The following FBXW7 variants were observed in gnomAD, a reference collection of about 807,000 sequenced individuals.
FBXW7 encodes the protein F-box/WD repeat-containing protein 7.
A neutral mutation model predicts 86.3 loss-of-function variants in FBXW7; 11 were observed. The observed-to-expected ratio is 0.13, with a 90% CI of 0.08 to 0.21. The LOEUF is 0.21. FBXW7 is among the 10% of genes least tolerant of loss of function. The pLI is 1.00. For missense variants in FBXW7, 488 were observed against 847.4 expected (o/e 0.58, Z 5.27); for synonymous variants, 313 against 297.9 (o/e 1.05, Z -0.52).
At chr4:152,469,550 G>C (rs1743764603) in intron 2 of FBXW7, among the ~76,000 whole-genome samples, 2 of 152,074 alleles carry the variant, frequency 1.3e-5, no homozygotes, top group South Asian at 4.1e-4. Flanking sequence ...CAGCAAACAG[G>C]ACCTAAATAC....
intron 2 of FBXW7, among the ~76,000 whole-genome samples, chr4:152,504,095 A>C (rs527995842): frequency 1.6e-4 from 24 of 152,360 alleles, no homozygotes; most frequent in African/African-American, 5.5e-4. Flanking sequence ...CAAAAATGGC[A>C]GTATTCTTTT....
intron 4 of FBXW7, 178 bp downstream of exon 4, chr4:152,411,125 C>T (rs1737909997): frequency 1.9e-5 from 19 of 1,015,368 alleles, no homozygotes; most frequent in Non-Finnish European, 2.5e-5. Flanking sequence ...GTCCCATTAT[C>T]AGTATTTCTA....
At chr4:152,417,518 G>A (rs1252374811) in intron 2 of FBXW7, among the ~76,000 whole-genome samples, 30 of 152,168 alleles carry the variant, frequency 2.0e-4, no homozygotes, top group Admixed American at 1.8e-3. Flanking sequence ...GGATGGCGGC[G>A]GGGAGGAACA....
At chr4:152,360,212 T>C (rs1396293376) in intron 4 of FBXW7, among the ~76,000 whole-genome samples, 1 of 152,206 alleles carries the variant, frequency 6.6e-6, no homozygotes, top group East Asian at 1.9e-4. Context: ...TGTGTCTTTC[T>C]GTACTAGGAG....
chr4:152,466,142 C>T (rs1743407744), intron 2 of FBXW7, among the ~76,000 whole-genome samples: 1 of 152,198 alleles, frequency 6.6e-6, no homozygotes, highest in South Asian at 2.1e-4. Flanking sequence ...TGTTACACAC[C>T]ATTTCTCCAG....
chr4:152,435,750 T>C (rs1337958682), intron 2 of FBXW7, among the ~76,000 whole-genome samples: 1 of 152,246 alleles, frequency 6.6e-6, no homozygotes, highest in Non-Finnish European at 1.5e-5. Context: ...TTTTTAAAAA[T>C]TGGAAGTTTG....
At chr4:152,421,302 A>G (rs1738917449) in intron 2 of FBXW7, among the ~76,000 whole-genome samples, 1 of 152,148 alleles carries the variant, frequency 6.6e-6, no homozygotes, top group Non-Finnish European at 1.5e-5. Flanking sequence ...GTTATGGTTG[A>G]TTTGATCTTC....
At chr4:152,359,688 G>A (rs911969176) in intron 4 of FBXW7, among the ~76,000 whole-genome samples, 3 of 152,146 alleles carry the variant, frequency 2.0e-5, no homozygotes, top group East Asian at 3.9e-4. Context: ...ACTTGAACCC[G>A]GAAGGCAGAG....
intron 7 of FBXW7, among the ~76,000 whole-genome samples, chr4:152,332,944 C>T (rs1439986163): frequency 1.3e-5 from 2 of 151,870 alleles, no homozygotes; most frequent in Admixed American, 1.3e-4. Context: ...AACTCTTTAC[C>T]CTCTTCAAGG....
chr4:152,465,078 G>A (rs183464633), intron 2 of FBXW7, among the ~76,000 whole-genome samples: 2,076 of 152,082 alleles, frequency 0.014, 26 homozygotes, highest in Middle Eastern at 0.037. Flanking sequence ...TGTATTATTG[G>A]TCAGCAGAGC....
At chr4:152,408,803 T>A (rs916706580) in intron 4 of FBXW7, among the ~76,000 whole-genome samples, 2 of 152,222 alleles carry the variant, frequency 1.3e-5, no homozygotes, top group African/African-American at 4.8e-5. Flanking sequence ...AAATCTCTCA[T>A]CACGTAGTGT....
At chr4:152,485,073 T>A (rs1745227093) in intron 2 of FBXW7, among the ~76,000 whole-genome samples, 1 of 151,428 alleles carries the variant, frequency 6.6e-6, no homozygotes, top group Non-Finnish European at 1.5e-5. Flanking sequence ...CCAAAAAGAC[T>A]GGGAAACTAT....
At chr4:152,379,884 T>C (rs1734903428) in intron 4 of FBXW7, among the ~76,000 whole-genome samples, 1 of 152,146 alleles carries the variant, frequency 6.6e-6, no homozygotes, top group African/African-American at 2.4e-5. Flanking sequence ...AGATATAAAT[T>C]GAAGTTATAG....
At chr4:152,461,606 A>AT (rs1431317586) in intron 2 of FBXW7, among the ~76,000 whole-genome samples, 1 of 152,200 alleles carries the variant, frequency 6.6e-6, no homozygotes, top group Non-Finnish European at 1.5e-5. Context: ...GCTAAATCCA[A>AT]TATCTGGCTA....
At chr4:152,494,215 T>C (rs1746107978) in intron 2 of FBXW7, among the ~76,000 whole-genome samples, 1 of 152,194 alleles carries the variant, frequency 6.6e-6, no homozygotes, top group African/African-American at 2.4e-5. Flanking sequence ...AAAGCAAGAC[T>C]ACCTCTATTT....
intron 2 of FBXW7, among the ~76,000 whole-genome samples, chr4:152,501,768 C>T (rs1444909365): frequency 6.6e-6 from 1 of 151,982 alleles, no homozygotes; most frequent in Non-Finnish European, 1.5e-5. Flanking sequence ...CAAAATTACT[C>T]TCTTTTTTTG....
In FBXW7 at chr4:152,337,938, TA is replaced by T; in HGVS notation, c.727-3del. 1.9e-6 allele frequency: 3 copies of T among 1,590,802 alleles called. 1 individual carries two copies. In the South Asian group the frequency reaches 3.5e-5, roughly 18 times the overall value. On this transcript the variant is annotated splice_polypyrimidine_tract_variant and splice_region_variant and intron_variant, in intron 6 of 13. Coordinates refer to ENST00000281708, the MANE Select transcript of FBXW7 (RefSeq NM_001349798.2). ...CAATTTCTCTGGTCCACTCCAGCTC[TA>T]TCAAAGAGAATTAGAAATTTTTATT...
intron 2 of FBXW7, among the ~76,000 whole-genome samples, chr4:152,495,421 AC>A (rs1746239958): frequency 6.6e-6 from 1 of 152,246 alleles, no homozygotes; most frequent in Admixed American, 6.5e-5. Context: ...AGCCTGGGCA[AC>A]AGAGTGAAAC....
Position 152,322,920 on chromosome 4 carries a change from G to C in FBXW7, c.2085C>G (p.Thr695=), listed in dbSNP as rs2126458948. ...AVGSRNGTEE[T]KLLVLDFDVD... ...CATCAAAGTCCAGCACCAGCAGCTTGGTTTCTTCAGTCCCATTCCGACTCC... is the reference window on the plus strand; with the variant it reads ...CATCAAAGTCCAGCACCAGCAGCTTCGTTTCTTCAGTCCCATTCCGACTCC... Residue 695 remains threonine (T), a synonymous_variant, in exon 14 of 14, where the codon ACC becomes ACG. Coordinates refer to ENST00000281708, the MANE Select transcript of FBXW7 (RefSeq NM_001349798.2). The C allele has an allele frequency of 6.2e-7, 1 of 1,613,606 alleles. No homozygotes were observed. The highest frequency in any genetic ancestry group is 8.5e-7 in the Non-Finnish European group (1 of 1,179,770).
Sources: gnomAD v4.1 joint callset for allele counts (sites outside exome capture counted in the v4.1 genomes callset) on GRCh38, gnomAD v4.1.1 for gene constraint, MANE v1.5 for transcripts, NCBI Gene and HGNC (gene_info 2026-07-23, HGNC 2026-07-21) for gene names.